DNAH12: variants seen among roughly 807,000 people sequenced by gnomAD.
DNAH12 encodes axonemal beta dynein heavy chain 12.
DNAH12 carries 285 observed loss-of-function variants against 371.5 expected under a neutral mutation model. The observed-to-expected ratio is 0.77, with a 90% CI of 0.70 to 0.85. The LOEUF is 0.85. Among genes scored for constraint, DNAH12 ranks in the 40% least tolerant of loss-of-function variants. DNAH12 has a pLI of 0.00. For missense variants in DNAH12, 3,611 were observed against 3,689.4 expected, an observed-to-expected ratio of 0.98 and a Z score of 0.55; for synonymous variants, 1,200 against 1,213.0, an observed-to-expected ratio of 0.99 and a Z score of 0.22.
chr3:57,422,459 G>T (rs1226822907), intron 35 of DNAH12, among the ~76,000 whole-genome samples: 1 of 152,062 alleles, frequency 6.6e-6, no homozygotes, highest in Non-Finnish European at 1.5e-5. Flanking sequence ...CTCCCAAAGT[G>T]CTGGGATTAC....
At chr3:57,495,162 T>G (rs9817479) in intron 11 of DNAH12, among the ~76,000 whole-genome samples, 27,734 of 152,148 alleles carry the variant, frequency 0.18, 3,031 homozygotes, top group African/African-American at 0.31. Flanking sequence ...AAATTATACT[T>G]TTTCAGTAGA....
intron 34 of DNAH12, among the ~76,000 whole-genome samples, chr3:57,427,217 T>C (rs1240386648): frequency 1.3e-5 from 2 of 150,944 alleles, no homozygotes; most frequent in East Asian, 3.9e-4. Flanking sequence ...CAAAAAGATA[T>C]TTCCATGTTC....
chr3:57,425,388 T>C (rs572876868), intron 34 of DNAH12, among the ~76,000 whole-genome samples: 4 of 151,202 alleles, frequency 2.6e-5, no homozygotes, highest in African/African-American at 4.9e-5. Context: ...GTTAGGACTA[T>C]AGGTGAGCAC....
chr3:57,470,854 G>A (rs1410470817), intron 15 of DNAH12, among the ~76,000 whole-genome samples: 4 of 151,906 alleles, frequency 2.6e-5, no homozygotes, highest in Non-Finnish European at 5.9e-5. Flanking sequence ...CTACAGATGC[G>A]GACCACCACA....
chr3:57,439,841 G>GA (rs397779871), intron 29 of DNAH12, among the ~76,000 whole-genome samples: 75,512 of 150,526 alleles, frequency 0.5, 18,917 homozygotes, highest in South Asian at 0.57. Context: ...AATTGAACAG[G>GA]AAAAAAAAAC....
chr3:57,428,934 T>TGCTTCATATA, intron 33 of DNAH12, 113 bp from the exon 34 acceptor site: 1 of 1,078,438 alleles, frequency 9.3e-7, no homozygotes, highest in South Asian at 1.7e-5. Flanking sequence ...AGCTCCCATC[T>TGCTTCATATA]GCTTCACATA....
rs1393969852 is a variant in DNAH12 at position 57,310,863 on chromosome 3, C to T, written c.10750G>A (p.Asp3584Asn). ...GTTAATAGAAGACGTCTGTCCCAATCGTCTGTCACTCTTCCTCCATAATTA... is the reference window on the plus strand; with the variant it reads ...GTTAATAGAAGACGTCTGTCCCAATTGTCTGTCACTCTTCCTCCATAATTA... ...ECNYGGRVTD[D>N]WDRRLLLTML... The change falls in exon 67 of 74, where the codon GAT (aspartate) becomes AAT (asparagine). Residue 3584 changes from aspartate (D) to asparagine (N), a missense_variant. Physicochemically the swap from Asp to Asn is conservative, Grantham distance 23. Coordinates refer to ENST00000495027, the MANE Select transcript of DNAH12 (RefSeq NM_001366028.2). 12 of 1,551,418 alleles carry T rather than the reference C, an allele frequency of 7.7e-6. No individual in the cohort carries two copies. The highest frequency in any genetic ancestry group is 2.4e-5 in the East Asian group (1 of 40,904).
chr3:57,382,802 G>A (rs895863222), intron 49 of DNAH12, among the ~76,000 whole-genome samples: 28 of 152,096 alleles, frequency 1.8e-4, no homozygotes, highest in African/African-American at 5.6e-4. Flanking sequence ...GAAGAGGTAC[G>A]TCCCAATTCC....
chr3:57,373,481 A>AT (rs879077079), intron 55 of DNAH12, among the ~76,000 whole-genome samples: 73,871 of 140,914 alleles, frequency 0.52, 20,145 homozygotes, highest in Non-Finnish European at 0.64. Flanking sequence ...CACCTGGCTA[A>AT]TTTTTTTTTT....
chr3:57,323,385 C>A, intron 63 of DNAH12, 84 bp downstream of exon 63: 1 of 1,472,322 alleles, frequency 6.8e-7, no homozygotes, highest in Non-Finnish European at 9.0e-7. Context: ...GATTTACTAA[C>A]TGATTTATAA....
chr3:57,316,742 T>A (rs2061693606), intron 65 of DNAH12, among the ~76,000 whole-genome samples: 1 of 152,100 alleles, frequency 6.6e-6, no homozygotes, highest in Admixed American at 6.6e-5. Context: ...GATCCGATGG[T>A]TTTATAAGTG....
intron 48 of DNAH12, 102 bp downstream of exon 48, chr3:57,385,245 TAA>T (rs2063478089): frequency 6.6e-6 from 1 of 152,152 alleles, no homozygotes; most frequent in Non-Finnish European, 1.5e-5. Flanking sequence ...TGGAAAAGGG[TAA>T]AGTCTCTAAA....
intron 25 of DNAH12, among the ~76,000 whole-genome samples, chr3:57,447,919 C>G (rs531706140): frequency 6.6e-6 from 1 of 152,304 alleles, no homozygotes; most frequent in South Asian, 2.1e-4. Flanking sequence ...AAGCCATCCT[C>G]CTGCCTTAGT....
the DNAH12 span, among the ~76,000 whole-genome samples, chr3:57,550,730 C>T: frequency 2.0e-5 from 3 of 152,002 alleles, no homozygotes; most frequent in East Asian, 5.8e-4. Flanking sequence ...ACCATGCTAG[C>T]CAGGCTAGTC....
rs2153399011 is a variant in DNAH12, at chr3:57,526,525, ATC to A, written c.171-2643_171-2642del. Among the ~76,000 whole-genome samples the A allele has an allele frequency of 2.2e-5, 3 of 138,062 alleles. No homozygotes were observed. The East Asian group carries it at 6.3e-4, about 29-fold the overall frequency. The allele number at this position is 138,062 out of a possible 152,430, so 90.6% of individuals were successfully genotyped here. A position where few individuals can be genotyped will look rare whatever the true frequency, so the allele number is the denominator to read the frequency against. ...TTATGGACACTGAGGTTGTTTCCAG[ATC>A]TTTTTTTTTTTTTTTTTTTTGAGAC... On this transcript the variant is annotated intron_variant, in intron 2 of 73. Transcript: ENST00000495027.
chr3:57,526,207 G>A (rs1190371718), intron 2 of DNAH12, among the ~76,000 whole-genome samples: 1 of 152,120 alleles, frequency 6.6e-6, no homozygotes, highest in Non-Finnish European at 1.5e-5. Flanking sequence ...ACAGATAAGT[G>A]AATGACTTTA....
chr3:57,511,730 A>C (rs2068006052), intron 4 of DNAH12, among the ~76,000 whole-genome samples: 1 of 152,198 alleles, frequency 6.6e-6, no homozygotes, highest in Non-Finnish European at 1.5e-5. Flanking sequence ...GGATAGACAG[A>C]CCAGTAGAAA....
rs759160399 is a variant in DNAH12 at position 57,461,544 on chromosome 3, T to G, written c.2681A>C (p.Lys894Thr). 1 of 1,551,412 alleles carries G rather than the reference T, an allele frequency of 6.4e-7. No homozygotes were observed. ...AGGTGAGCCTCTCATTGTCTGAGTT[T>G]TTATAATTTGATCATCAAGGATGGC... is the stretch of plus-strand genomic sequence containing the variant. Reference protein sequence around the residue: ...IQAILDDQIIKTQTMRGSPFI... With the variant: ...IQAILDDQIITTQTMRGSPFI... Residue 894 changes from lysine to threonine, a missense_variant, in exon 19 of 74, where the codon AAA becomes ACA. By Grantham distance (78) the Lys-to-Thr change is moderately conservative. Transcript: ENST00000495027.
At position 57,408,415 on chromosome 3, in the gene DNAH12, G is replaced by T; in HGVS notation, c.6141C>A (p.Ile2047=). 1 of 1,551,566 alleles carries T rather than the reference G, an allele frequency of 6.4e-7. No homozygotes were observed. Among genetic ancestry groups the T allele is most frequent in the Non-Finnish European group, 8.7e-7 (1 of 1,146,932 alleles). Residue 2047 remains isoleucine (I), a synonymous_variant, in exon 40 of 74, where the codon ATC becomes ATA. Transcript: ENST00000495027. ...CATCACTAAAAGAATTAATACTGCA[G>T]ATGTTGAAATGTCGAATACAACGGG... ...VTPRCIRHFN[I]CSINSFSDET... is the part of the protein sequence containing the mutation.
Sources: gnomAD v4.1 joint callset for allele counts (sites outside exome capture counted in the v4.1 genomes callset) on GRCh38, gnomAD v4.1.1 for gene constraint, MANE v1.5 for transcripts, NCBI Gene and HGNC (gene_info 2026-07-23, HGNC 2026-07-21) for gene names.